Variants in SPECC1 observed in about 807,000 individuals in gnomAD.
SPECC1 encodes sperm antigen with calponin homology and coiled-coil domains 1.
SPECC1 carries 62 observed loss-of-function variants against 104.1 expected under a neutral mutation model. The ratio of observed to expected loss-of-function variants is 0.60; its 90% CI spans 0.49 to 0.74. SPECC1 has a LOEUF of 0.74. Ranked by LOEUF, SPECC1 falls within the 30% of genes least tolerant of loss-of-function variation. The pLI is 0.00. For synonymous variants in SPECC1, 513 were observed against 501.6 expected, an observed-to-expected ratio of 1.02 and a Z score of -0.30; for missense variants, 1,306 against 1,310.5, an observed-to-expected ratio of 1.00 and a Z score of 0.05.
At chr17:20,178,037 G>C (rs1393289669) in intron 3 of SPECC1, among the ~76,000 whole-genome samples, 1 of 149,436 alleles carries the variant, frequency 6.7e-6, no homozygotes, top group African/African-American at 2.5e-5. Flanking sequence ...TTATTTTTGA[G>C]GCAGGGTCTG....
intron 9 of SPECC1, 91 bp from the exon 10 acceptor site, chr17:20,253,414 G>GCACA (rs2151569095): frequency 8.0e-7 from 1 of 1,256,548 alleles, no homozygotes. Flanking sequence ...AAGAACTGTT[G>GCACA]CACACACACG....
intron 9 of SPECC1, among the ~76,000 whole-genome samples, chr17:20,251,743 C>G (rs1263283516): frequency 6.6e-6 from 1 of 152,190 alleles, no homozygotes; most frequent in Non-Finnish European, 1.5e-5. Context: ...TAGCTAAGAT[C>G]TACTGAATGC....
intron 1 of SPECC1, among the ~76,000 whole-genome samples, chr17:20,042,330 G>A (rs574538622): frequency 6.6e-6 from 1 of 152,240 alleles, no homozygotes; most frequent in Admixed American, 6.5e-5. Flanking sequence ...CCTACTGCTT[G>A]CCACAGTGCT....
chr17:20,257,735 CTG>C (rs2039885924), intron 11 of SPECC1, 128 bp downstream of exon 11: 1 of 1,234,672 alleles, frequency 8.1e-7, no homozygotes, highest in Non-Finnish European at 1.1e-6. Flanking sequence ...GACTAAGACA[CTG>C]TGCCTGCCCT....
intron 1 of SPECC1, among the ~76,000 whole-genome samples, chr17:20,062,797 TCCTG>T (rs1218393290): frequency 6.6e-6 from 1 of 151,980 alleles, no homozygotes; most frequent in Non-Finnish European, 1.5e-5. Flanking sequence ...CAAGTGAGTC[TCCTG>T]CCTCAGCCTC....
intron 14 of SPECC1, among the ~76,000 whole-genome samples, chr17:20,306,984 G>C (rs1434318214): frequency 1.3e-5 from 2 of 151,862 alleles, no homozygotes; most frequent in Non-Finnish European, 2.9e-5. Flanking sequence ...GAAACCACAA[G>C]GAAAGAATGA....
chr17:20,265,770 T>C (rs1355003875), intron 12 of SPECC1, among the ~76,000 whole-genome samples: 3 of 152,254 alleles, frequency 2.0e-5, no homozygotes, highest in African/African-American at 7.2e-5. Flanking sequence ...AATTTTTATA[T>C]GTAGTGACAG....
chr17:20,249,153 C>T (rs1440396205), intron 9 of SPECC1, among the ~76,000 whole-genome samples: 1 of 152,228 alleles, frequency 6.6e-6, no homozygotes, highest in Non-Finnish European at 1.5e-5. Context: ...GGTGCAGTGG[C>T]TCATGCCTGT....
chr17:20,027,309 T>G (rs1173807893), intron 1 of SPECC1, among the ~76,000 whole-genome samples: 1 of 152,212 alleles, frequency 6.6e-6, no homozygotes, highest in African/African-American at 2.4e-5. Context: ...TTTTAGTCAC[T>G]TGTGTGTTCT....
In SPECC1 at chr17:20,232,583, C is replaced by T. The variant is rs1200636560; in HGVS notation, c.2351+178C>T. On this transcript the variant is annotated intron_variant, in intron 7 of 14. Coordinates refer to ENST00000395527, the MANE Select transcript of SPECC1 (RefSeq NM_001243439.2). ...CATTCTGTACAGTACCCAGTCCCTG[C>T]CATGCTGCAGCATAAGAGGCTGCTA... is the stretch of plus-strand genomic sequence containing the variant. 30 of 703,730 alleles carry T rather than the reference C, an allele frequency of 4.3e-5. No homozygotes were observed. The South Asian group carries it at 5.6e-4, about 13-fold the overall frequency. 43.6% of individuals were successfully genotyped at this position (703,730 alleles called of 1,614,324 possible).
At chr17:20,249,487 GA>G (rs1449998551) in intron 9 of SPECC1, among the ~76,000 whole-genome samples, 2 of 152,050 alleles carry the variant, frequency 1.3e-5, no homozygotes, top group African/African-American at 4.8e-5. Flanking sequence ...AAAGCCAAGA[GA>G]AAAAATAGAC....
chr17:20,177,809 A>G (rs940717838), intron 3 of SPECC1, among the ~76,000 whole-genome samples: 1 of 151,944 alleles, frequency 6.6e-6, no homozygotes, highest in Admixed American at 6.6e-5. Flanking sequence ...TTCTGGGTTT[A>G]AGCAATTCTT....
chr17:20,215,764 A>G (rs1463277342), intron 4 of SPECC1, among the ~76,000 whole-genome samples: 1 of 152,310 alleles, frequency 6.6e-6, no homozygotes. Context: ...TTTGTTCTTT[A>G]TATATTGATA....
chr17:20,085,139 C>T (rs1203737477), intron 1 of SPECC1, among the ~76,000 whole-genome samples: 1 of 152,202 alleles, frequency 6.6e-6, no homozygotes. Flanking sequence ...AGCTGCTGGT[C>T]ATTTGCTGTG....
Position 20,176,167 on chromosome 17 carries a change from A to G in SPECC1, c.284-28166A>G, listed in dbSNP as rs116561792. Among the ~76,000 whole-genome samples, 1,189 of 152,290 alleles carry G rather than the reference A, an allele frequency of 7.8e-3. 18 individuals are homozygous for G. The highest frequency in any genetic ancestry group is 0.027 in the African/African-American group (1,134 of 41,562). Reference sequence around the variant, plus strand: ...TTGCTACATTCCCCTCCTGTGTAAAATGGGGCTGTTAGTATTTCCTTAGGG... The same window carrying G: ...TTGCTACATTCCCCTCCTGTGTAAAGTGGGGCTGTTAGTATTTCCTTAGGG... On this transcript the variant is annotated intron_variant, in intron 3 of 14. Coordinates refer to ENST00000395527, the MANE Select transcript of SPECC1 (RefSeq NM_001243439.2).
At chr17:20,046,596 G>A (rs1395531718) in intron 1 of SPECC1, among the ~76,000 whole-genome samples, 4 of 152,172 alleles carry the variant, frequency 2.6e-5, no homozygotes, top group Admixed American at 6.5e-5. Context: ...GTGCTAAATT[G>A]TAAGAATAAA....
intron 1 of SPECC1, among the ~76,000 whole-genome samples, chr17:20,054,475 G>A (rs1230875613): frequency 1.3e-5 from 2 of 152,086 alleles, no homozygotes; most frequent in Non-Finnish European, 2.9e-5. Flanking sequence ...CTGAAAGTTA[G>A]GCATTCCTCC....
At position 20,231,850 on chromosome 17, in the gene SPECC1, C is replaced by G; in HGVS notation, c.2145+19C>G. 1 of 1,611,818 alleles carries G rather than the reference C, an allele frequency of 6.2e-7. No homozygotes were observed. The highest frequency in any genetic ancestry group is 8.5e-7 in the Non-Finnish European group (1 of 1,177,978). ...GATGAAGGTGAGATGCGGGTGGGAG[C>G]CTTCACCACCATCTTCCTATGAATT... On this transcript the variant is annotated intron_variant, in intron 6 of 14. Coordinates refer to ENST00000395527, the MANE Select transcript of SPECC1 (RefSeq NM_001243439.2).
At chr17:20,299,399 A>AT (rs557196362) in intron 13 of SPECC1, among the ~76,000 whole-genome samples, 170 of 151,308 alleles carry the variant, frequency 1.1e-3, no homozygotes, top group Middle Eastern at 3.4e-3. Context: ...TACAAAAAAA[A>AT]TTTTTTTTCA....
Sources: allele counts gnomAD v4.1 joint callset (sites outside exome capture counted in the v4.1 genomes callset), GRCh38; gene constraint gnomAD v4.1.1; transcripts MANE v1.5; gene names NCBI Gene and HGNC (gene_info 2026-07-23, HGNC 2026-07-21).